The following ZNF420 variants were observed in gnomAD, a reference collection of about 807,000 sequenced individuals.
ZNF420 encodes zinc finger protein 420.
A neutral mutation model predicts 44.7 loss-of-function variants in ZNF420; 31 were observed. The ratio of observed to expected loss-of-function variants is 0.69; its 90% CI spans 0.52 to 0.94. The LOEUF (loss-of-function observed/expected upper bound fraction) is 0.94. ZNF420 is among the 40% of genes least tolerant of loss of function. The pLI is 0.00. For missense variants in ZNF420, 681 were observed against 827.9 expected (o/e 0.82, Z 2.18); for synonymous variants, 245 against 267.4 (o/e 0.92, Z 0.82).
At position 37,127,174 on chromosome 19, in the gene ZNF420, C is replaced by T. The variant is rs745565541; in HGVS notation, c.183C>T (p.Asn61=). Residue 61 remains asparagine, a synonymous_variant, in exon 5 of 5, where the codon AAC becomes AAT. Coordinates refer to ENST00000337995, the MANE Select transcript of ZNF420 (RefSeq NM_144689.5). ...CASKDLSPEK[N]TYETELSQWE... ...GTAAGGACTTATCTCCAGAAAAGAA[C>T]ACTTATGAAACAGAATTATCCCAAT... 6 of 1,560,696 alleles carry T rather than the reference C, an allele frequency of 3.8e-6. No individual in the cohort carries two copies. Among genetic ancestry groups the T allele is most frequent in the Non-Finnish European group, 4.3e-6 (5 of 1,153,734 alleles).
At chr19:37,073,856 A>G (rs1388360652), upstream of ZNF420, among the ~76,000 whole-genome samples, 1 of 152,096 alleles carries the variant, frequency 6.6e-6, no homozygotes, top group Non-Finnish European at 1.5e-5. Context: ...GGACACGGGC[A>G]CCAGCGTCAG....
chr19:37,102,460 G>A (rs557501677), intron 4 of ZNF420, among the ~76,000 whole-genome samples: 2 of 152,200 alleles, frequency 1.3e-5, no homozygotes, highest in South Asian at 4.1e-4. Context: ...TCTCCACCTA[G>A]ACACTAGTGT....
chr19:37,085,279 G>T (rs942901609), intron 2 of ZNF420, among the ~76,000 whole-genome samples: 1 of 152,174 alleles, frequency 6.6e-6, no homozygotes, highest in African/African-American at 2.4e-5. Context: ...ATAATATGTG[G>T]ACACTGACCA....
intron 4 of ZNF420, among the ~76,000 whole-genome samples, chr19:37,104,191 A>C (rs983622277): frequency 1.5e-5 from 2 of 137,908 alleles, no homozygotes; most frequent in Admixed American, 1.7e-4. Context: ...CCTGTGTCCA[A>C]GTGTTCTCAT....
chr19:37,106,806 A>T (rs1031334337), intron 4 of ZNF420: 1 of 152,142 alleles, frequency 6.6e-6, no homozygotes, highest in Non-Finnish European at 1.5e-5. Flanking sequence ...TTTATTGATC[A>T]TTATCTCTAC....
chr19:37,036,326 A>G (rs1033446671), intron 1 of ZNF420, among the ~76,000 whole-genome samples: 3 of 152,230 alleles, frequency 2.0e-5, no homozygotes, highest in Non-Finnish European at 4.4e-5. Flanking sequence ...GTATGCATGT[A>G]TCAAAATATC....
At chr19:37,102,622 C>T (rs138646759) in intron 4 of ZNF420, among the ~76,000 whole-genome samples, 2 of 152,210 alleles carry the variant, frequency 1.3e-5, no homozygotes, top group Non-Finnish European at 2.9e-5. Flanking sequence ...TGCCAGTCTG[C>T]ACTCTCAAAA....
chr19:37,057,862 C>T (rs1016758310), intron 1 of ZNF420, among the ~76,000 whole-genome samples: 3 of 152,120 alleles, frequency 2.0e-5, no homozygotes, highest in African/African-American at 7.2e-5. Flanking sequence ...TGTATCTCCT[C>T]GCGGCTTTTC....
At chr19:37,069,680 T>G (rs1476136316) in intron 1 of ZNF420, among the ~76,000 whole-genome samples, 3 of 152,116 alleles carry the variant, frequency 2.0e-5, no homozygotes, top group Non-Finnish European at 4.4e-5. Context: ...TATGGATATT[T>G]GAAATACGTT....
chr19:37,079,310 T>G (rs184344535), intron 1 of ZNF420, among the ~76,000 whole-genome samples: 76 of 152,304 alleles, frequency 5.0e-4, no homozygotes, highest in Non-Finnish European at 7.2e-4. Context: ...TTCTGTGACC[T>G]TATGGGGGTT....
intron 1 of ZNF420, among the ~76,000 whole-genome samples, chr19:37,032,207 G>C (rs1364935746): frequency 6.6e-6 from 1 of 152,120 alleles, no homozygotes; most frequent in East Asian, 1.9e-4. Flanking sequence ...TGGCGTGGTG[G>C]CATGTGCCTG....
chr19:37,074,925 C>T (rs974314010), upstream of ZNF420, among the ~76,000 whole-genome samples: 9 of 152,286 alleles, frequency 5.9e-5, no homozygotes, highest in East Asian at 1.3e-3. Context: ...TCAAAATAAA[C>T]ACTTAGGGAA....
chr19:37,062,466 T>C (rs1427540323), intron 1 of ZNF420, among the ~76,000 whole-genome samples: 1 of 152,234 alleles, frequency 6.6e-6, no homozygotes, highest in Non-Finnish European at 1.5e-5. Context: ...TAGGCTTTTT[T>C]ATGAAAGACA....
intron 1 of ZNF420, among the ~76,000 whole-genome samples, chr19:37,059,515 G>A (rs1967829693): frequency 6.6e-6 from 1 of 152,210 alleles, no homozygotes; most frequent in Admixed American, 6.5e-5. Context: ...CGACAGGAAC[G>A]TCTCCGGATG....
intron 4 of ZNF420, among the ~76,000 whole-genome samples, chr19:37,125,919 A>C (rs1971320923): frequency 6.6e-6 from 1 of 152,096 alleles, no homozygotes; most frequent in Non-Finnish European, 1.5e-5. Flanking sequence ...TAAAGAATTC[A>C]TGGCAGGCCC....
At chr19:37,112,371 A>C (rs1201136679) in intron 4 of ZNF420, among the ~76,000 whole-genome samples, 1 of 152,172 alleles carries the variant, frequency 6.6e-6, no homozygotes, top group East Asian at 1.9e-4. Context: ...ACGGGAATTG[A>C]AGTAATCATT....
intron 4 of ZNF420, among the ~76,000 whole-genome samples, chr19:37,103,433 T>A (rs937334318): frequency 3.9e-5 from 6 of 152,324 alleles, no homozygotes; most frequent in Non-Finnish European, 8.8e-5. Context: ...ATGACGGTGA[T>A]TAATTTCTCT....
intron 1 of ZNF420, among the ~76,000 whole-genome samples, chr19:37,055,507 C>T (rs936364605): frequency 2.6e-5 from 4 of 152,344 alleles, no homozygotes; most frequent in Admixed American, 2.0e-4. Flanking sequence ...AACACTCCAG[C>T]CACCACAGCG....
At chr19:37,053,696 T>G (rs1967685985) in intron 1 of ZNF420, among the ~76,000 whole-genome samples, 1 of 152,138 alleles carries the variant, frequency 6.6e-6, no homozygotes, top group Admixed American at 6.5e-5. Flanking sequence ...GCAGCAGATG[T>G]TGCTGCCTGA....
Sources: allele counts gnomAD v4.1 joint callset (sites outside exome capture counted in the v4.1 genomes callset), GRCh38; gene constraint gnomAD v4.1.1; transcripts MANE v1.5; gene names NCBI Gene and HGNC (gene_info 2026-07-23, HGNC 2026-07-21).